Variants in HS3ST3A1 observed in about 807,000 individuals in gnomAD.
HS3ST3A1 encodes the protein heparan sulfate-glucosamine 3-sulfotransferase 3A1.
Under a neutral mutation model 25.7 loss-of-function variants are expected in HS3ST3A1, and 19 were observed. The ratio of observed to expected loss-of-function variants is 0.74; its 90% CI spans 0.52 to 1.08. The LOEUF is 1.08. Ranked by LOEUF, HS3ST3A1 falls within the 50% of genes least tolerant of loss-of-function variation. The pLI, the probability that HS3ST3A1 is intolerant of heterozygous loss-of-function variation, is 0.00. For missense variants in HS3ST3A1, 459 were observed against 594.3 expected (o/e 0.77, Z 2.37); for synonymous variants, 226 against 278.6 (o/e 0.81, Z 1.88).
intron 1 of HS3ST3A1, among the ~76,000 whole-genome samples, chr17:13,563,217 G>A (rs1000831755): frequency 1.3e-5 from 2 of 151,860 alleles, no homozygotes; most frequent in Non-Finnish European, 2.9e-5. Flanking sequence ...CGCCAGAACC[G>A]CAGCAAAGGG....
chr17:13,594,647 CA>C (rs1388594235), intron 1 of HS3ST3A1, among the ~76,000 whole-genome samples: 1 of 151,924 alleles, frequency 6.6e-6, no homozygotes, highest in Non-Finnish European at 1.5e-5. Context: ...CAGTCATAGG[CA>C]TTTTTAATAT....
At chr17:13,509,045 C>T (rs142754111) in intron 1 of HS3ST3A1, among the ~76,000 whole-genome samples, 1 of 151,308 alleles carries the variant, frequency 6.6e-6, no homozygotes, top group African/African-American at 2.4e-5. Context: ...TTTGAAAATA[C>T]TAGCAAGTTT....
At chr17:13,500,182 G>T (rs1407045383) in intron 1 of HS3ST3A1, among the ~76,000 whole-genome samples, 1 of 152,148 alleles carries the variant, frequency 6.6e-6, no homozygotes, top group South Asian at 2.1e-4. Context: ...CAAAAGGCAG[G>T]TGTATGTTGG....
At chr17:13,503,132 G>T (rs547865217) in intron 1 of HS3ST3A1, among the ~76,000 whole-genome samples, 2 of 141,824 alleles carry the variant, frequency 1.4e-5, no homozygotes, top group South Asian at 2.2e-4. Flanking sequence ...CTGAGATCAG[G>T]CCACTGCACT....
At chr17:13,504,772 G>A (rs1020427850) in intron 1 of HS3ST3A1, among the ~76,000 whole-genome samples, 1 of 152,144 alleles carries the variant, frequency 6.6e-6, no homozygotes, top group Non-Finnish European at 1.5e-5. Flanking sequence ...GATCACAAAG[G>A]TAAAGGAGTG....
intron 1 of HS3ST3A1, among the ~76,000 whole-genome samples, chr17:13,543,817 C>T (rs184685574): frequency 1.3e-5 from 2 of 152,220 alleles, no homozygotes; most frequent in East Asian, 3.9e-4. Flanking sequence ...TCATAAATAA[C>T]CATCGATCTG....
At chr17:13,526,193 G>T (rs530000332) in intron 1 of HS3ST3A1, among the ~76,000 whole-genome samples, 2 of 151,972 alleles carry the variant, frequency 1.3e-5, no homozygotes, top group African/African-American at 4.8e-5. Context: ...GGGGTTTGCA[G>T]ATGGTCCCTT....
At position 13,576,630 on chromosome 17, in the gene HS3ST3A1, G is replaced by A. The variant is rs1907954209; in HGVS notation, c.599+23901C>T. ...AAGAGCATCAAGAGTATATGACTTT[G>A]TGGACATATCTGGAAGATCACCACA... On this transcript the variant is annotated intron_variant, in intron 1 of 1. Coordinates refer to ENST00000284110, the MANE Select transcript of HS3ST3A1 (RefSeq NM_006042.3). Among the ~76,000 whole-genome samples the A allele has an allele frequency of 2.6e-5, 4 of 152,182 alleles. No individual in the cohort carries two copies. In the South Asian group the frequency reaches 8.3e-4, roughly 32 times the overall value.
intron 1 of HS3ST3A1, among the ~76,000 whole-genome samples, chr17:13,543,166 C>T (rs1176644314): frequency 6.6e-6 from 1 of 152,114 alleles, no homozygotes; most frequent in Non-Finnish European, 1.5e-5. Flanking sequence ...GCAAATTAAA[C>T]AAATCTAATG....
intron 1 of HS3ST3A1, among the ~76,000 whole-genome samples, chr17:13,521,833 T>C (rs754765964): frequency 1.3e-5 from 2 of 152,086 alleles, no homozygotes; most frequent in Non-Finnish European, 2.9e-5. Flanking sequence ...TAGATAGGAG[T>C]TTCTCAACCC....
chr17:13,521,357 G>C (rs1906232592), intron 1 of HS3ST3A1, among the ~76,000 whole-genome samples: 1 of 152,160 alleles, frequency 6.6e-6, no homozygotes, highest in Non-Finnish European at 1.5e-5. Flanking sequence ...TAGCCTGATG[G>C]GGAATAAACT....
chr17:13,601,169 T>C lies in HS3ST3A1; in HGVS notation c.-40A>G, dbSNP rs1224932479. On this transcript the variant is annotated 5_prime_UTR_variant, in exon 1 of 2. It removes the in-frame stop codon of an upstream open reading frame in the 5' UTR. Coordinates refer to ENST00000284110, the MANE Select transcript of HS3ST3A1 (RefSeq NM_006042.3). ...ACGTCGGGCAACGCGCCGGCCATGC[T>C]AGGCCTGGACCCCGACAGGTGCCAG... The C allele has an allele frequency of 1.4e-6, 2 of 1,438,192 alleles. No individual in the cohort carries two copies. Among genetic ancestry groups the C allele is most frequent in the Non-Finnish European group, 9.2e-7 (1 of 1,086,494 alleles). The allele number at this position is 1,438,192 out of a possible 1,614,324, so 89.1% of individuals were successfully genotyped here.
At position 13,495,392 on chromosome 17, in the gene HS3ST3A1, G is replaced by A. The variant is rs963429404; in HGVS notation, c.*805C>T. On this transcript the variant is annotated 3_prime_UTR_variant, in exon 2 of 2. Transcript: ENST00000284110. ...CAGTGGTTTTCTTGGACACAACTAT[G>A]TAATGAGACTGGGTGCCATGAGGGG... Among the ~76,000 whole-genome samples the A allele has an allele frequency of 6.6e-6, 1 of 152,180 alleles. No homozygotes were observed. The highest frequency in any genetic ancestry group is 1.5e-5 in the Non-Finnish European group (1 of 68,032).
chr17:13,588,336 A>G (rs1908331704), intron 1 of HS3ST3A1, among the ~76,000 whole-genome samples: 1 of 152,128 alleles, frequency 6.6e-6, no homozygotes, highest in African/African-American at 2.4e-5. Flanking sequence ...CATTAAACTC[A>G]TAGTGAGTCT....
At chr17:13,560,997 C>T (rs1907531963) in intron 1 of HS3ST3A1, among the ~76,000 whole-genome samples, 3 of 152,196 alleles carry the variant, frequency 2.0e-5, no homozygotes, top group Non-Finnish European at 4.4e-5. Flanking sequence ...AGACCAGAAA[C>T]ACATTGCTTC....
At chr17:13,556,989 C>T (rs1907398676) in intron 1 of HS3ST3A1, among the ~76,000 whole-genome samples, 1 of 152,068 alleles carries the variant, frequency 6.6e-6, no homozygotes, top group South Asian at 2.1e-4. Context: ...AGAGCAGGTA[C>T]CAGAATAGGC....
intron 1 of HS3ST3A1, among the ~76,000 whole-genome samples, chr17:13,526,474 T>TTTTATA (rs1333779426): frequency 2.6e-5 from 2 of 76,294 alleles, no homozygotes; most frequent in South Asian, 9.4e-4. Flanking sequence ...ACTTTAATTT[T>TTTTATA]TATATATATA....
rs186991871 is a variant in HS3ST3A1 at position 13,529,099 on chromosome 17, T to C, written c.600-32281A>G. Among the ~76,000 whole-genome samples, 484 of 152,314 alleles carry C rather than the reference T, an allele frequency of 3.2e-3. 3 individuals carry two copies. The highest frequency in any genetic ancestry group is 0.011 in the African/African-American group (466 of 41,578). ...GTACAAAGCAATAAAATATGTAGAA[T>C]TCCATAGCATAGTATTTTTGACAGC... On this transcript the variant is annotated intron_variant, in intron 1 of 1. Coordinates refer to ENST00000284110, the MANE Select transcript of HS3ST3A1 (RefSeq NM_006042.3).
chr17:13,544,680 C>T (rs528743412), intron 1 of HS3ST3A1, among the ~76,000 whole-genome samples: 1 of 152,010 alleles, frequency 6.6e-6, no homozygotes, highest in Admixed American at 6.5e-5. Flanking sequence ...CACCCTGCTC[C>T]TTGGAACAAG....
Sources: allele counts gnomAD v4.1 joint callset (sites outside exome capture counted in the v4.1 genomes callset), GRCh38; gene constraint gnomAD v4.1.1; transcripts MANE v1.5; gene names NCBI Gene and HGNC (gene_info 2026-07-23, HGNC 2026-07-21).